WDR37: variants seen among roughly 807,000 people sequenced by gnomAD.
WDR37 encodes WD repeat-containing protein 37.
A neutral mutation model predicts 62.9 loss-of-function variants in WDR37; 19 were observed. That is an observed-to-expected ratio of 0.30 (90% CI 0.21 to 0.44). The LOEUF (loss-of-function observed/expected upper bound fraction) is 0.44. Ranked by LOEUF, WDR37 falls within the 20% of genes least tolerant of loss-of-function variation. The pLI is 1.00. For synonymous variants in WDR37, 250 were observed against 260.9 expected (o/e 0.96, Z 0.40); for missense variants, 474 against 657.6 (o/e 0.72, Z 3.05).
At chr10:1,100,913 G>A (rs1442346542) in intron 9 of WDR37, among the ~76,000 whole-genome samples, 2 of 152,160 alleles carry the variant, frequency 1.3e-5, no homozygotes, top group East Asian at 1.9e-4. Context: ...CGGGCCCCCC[G>A]TCCCGACTGA....
intron 10 of WDR37, among the ~76,000 whole-genome samples, chr10:1,104,749 C>T (rs1202406644): frequency 2.0e-5 from 3 of 152,140 alleles, no homozygotes; most frequent in Non-Finnish European, 4.4e-5. Flanking sequence ...AAGTGCATTT[C>T]CTGCATGAGC....
intron 1 of WDR37, among the ~76,000 whole-genome samples, chr10:1,071,577 A>C (rs1018020100): frequency 2.0e-5 from 3 of 152,234 alleles, no homozygotes; most frequent in African/African-American, 7.2e-5. Context: ...GTAAATATAC[A>C]CGCTGAATTT....
intron 3 of WDR37, among the ~76,000 whole-genome samples, chr10:1,079,364 C>T (rs938954656): frequency 6.6e-6 from 1 of 150,850 alleles, no homozygotes; most frequent in Admixed American, 6.6e-5. Flanking sequence ...GGATTACAGG[C>T]ATGAGATACT....
Position 1,131,365 on chromosome 10 carries a change from G to T in WDR37, c.*2021G>T, listed in dbSNP as rs1422006021. The stretch of plus-strand genomic sequence containing the variant: ...GAACATTGAAAAATGGCTGCAAATA[G>T]CCAAATCAAACTTAAGAACCAGATC... On this transcript the variant is annotated 3_prime_UTR_variant, in exon 14 of 14. Transcript: ENST00000263150. 1 of 152,256 alleles carries T rather than the reference G, an allele frequency of 6.6e-6. No homozygotes were observed. Among genetic ancestry groups the T allele is most frequent in the Non-Finnish European group, 1.5e-5 (1 of 68,050 alleles). The allele number at this position is 152,256 out of a possible 1,614,324, so 9.4% of individuals were successfully genotyped here. A position where few individuals can be genotyped will look rare whatever the true frequency, so the allele number is the denominator to read the frequency against.
At chr10:1,074,640 G>GCAGA in intron 2 of WDR37, 1 of 746,348 alleles carries the variant, frequency 1.3e-6, no homozygotes, top group Non-Finnish European at 2.0e-6. Flanking sequence ...CACGCGTTTG[G>GCAGA]CATGGTAGGT....
At chr10:1,085,780 G>A (rs1000346078) in intron 6 of WDR37, among the ~76,000 whole-genome samples, 2 of 152,132 alleles carry the variant, frequency 1.3e-5, no homozygotes, top group African/African-American at 2.4e-5. Context: ...TGATATTTCC[G>A]AAATTTCATT....
chr10:1,110,660 G>T (rs1433773012), intron 11 of WDR37, among the ~76,000 whole-genome samples: 1 of 152,224 alleles, frequency 6.6e-6, no homozygotes, highest in Admixed American at 6.5e-5. Context: ...GTTCCGTTTG[G>T]TCACTTGTCT....
At position 1,121,445 on chromosome 10, in the gene WDR37, C is replaced by T. The variant is rs1835575487; in HGVS notation, c.1104-2773C>T. Reference sequence around the variant, plus strand: ...AGCGTGGCAGCGTCTGATTTATAGTCAAGCTCTCATGTTGTTCTTTATTTT... The same window carrying T: ...AGCGTGGCAGCGTCTGATTTATAGTTAAGCTCTCATGTTGTTCTTTATTTT... On this transcript the variant is annotated intron_variant, in intron 11 of 13. Transcript: ENST00000263150. The surrounding 1 kb of genome is among the most constrained non-coding windows in gnomAD (Gnocchi z 4.5). Among the ~76,000 whole-genome samples the T allele has an allele frequency of 6.6e-6, 1 of 152,130 alleles. No individual in the cohort carries two copies. Among genetic ancestry groups the T allele is most frequent in the Admixed American group, 6.6e-5 (1 of 15,264 alleles).
intron 7 of WDR37, among the ~76,000 whole-genome samples, chr10:1,093,206 C>G (rs567268422): frequency 6.6e-6 from 1 of 152,240 alleles, no homozygotes; most frequent in African/African-American, 2.4e-5. Flanking sequence ...ATAAAAAGAA[C>G]TAGATGATGA....
Position 1,057,774 on chromosome 10 carries a change from T to C in WDR37, c.-41+806T>C, listed in dbSNP as rs577899441. ...TCATTTAACTTAAACGCTAAAACAT[T>C]CGTCCCTTGAAGCGGATACCATTAT... On this transcript the variant is annotated intron_variant, in intron 1 of 13. Coordinates refer to ENST00000263150, the MANE Select transcript of WDR37 (RefSeq NM_014023.4). Among the ~76,000 whole-genome samples, 79 of 152,302 alleles carry C rather than the reference T, an allele frequency of 5.2e-4. 3 individuals carry two copies. The South Asian group carries it at 0.015, about 30-fold the overall frequency.
At chr10:1,057,534 C>T (rs939446743) in intron 1 of WDR37, among the ~76,000 whole-genome samples, 1 of 152,124 alleles carries the variant, frequency 6.6e-6, no homozygotes, top group African/African-American at 2.4e-5. Context: ...AACACAGCGC[C>T]ATGATATTGT....
intron 9 of WDR37, among the ~76,000 whole-genome samples, chr10:1,100,981 G>T (rs187858314): frequency 6.6e-6 from 1 of 152,174 alleles, no homozygotes; most frequent in Non-Finnish European, 1.5e-5. Flanking sequence ...TGTGCCACCC[G>T]TCTCAGGAAA....
rs1173867223 is a variant in WDR37 at position 1,121,769 on chromosome 10, C to T, written c.1104-2449C>T. Among the ~76,000 whole-genome samples the T allele has an allele frequency of 3.9e-5, 6 of 152,122 alleles. No homozygotes were observed. The highest frequency in any genetic ancestry group is 2.1e-4 in the South Asian group (1 of 4,824). On this transcript the variant is annotated intron_variant, in intron 11 of 13. Transcript: ENST00000263150. This position sits in a 1 kb window ranked among gnomAD's most constrained non-coding sequence, Gnocchi z 4.5. ...GCCCCGACCAGACATCAGGTCCTAG[C>T]GGGGGAATAAGTGTCAGCAATCCAC...
At position 1,072,349 on chromosome 10, in the gene WDR37, C is replaced by T. The variant is rs150855148; in HGVS notation, c.138+56C>T. The T allele has an allele frequency of 4.1e-3, 6,577 of 1,596,828 alleles. 21 individuals carry two copies. Among genetic ancestry groups the T allele is most frequent in the Middle Eastern group, 5.1e-3 (30 of 5,908 alleles). The stretch of plus-strand genomic sequence containing the variant: ...TTGATTGATTTTTGAGACAGAGTTT[C>T]GCTCGTTTCCCCGGCTGGAGTGCGA... On this transcript the variant is annotated intron_variant, in intron 2 of 13. Transcript: ENST00000263150.
chr10:1,128,920 A>G (rs556791491), intron 13 of WDR37, among the ~76,000 whole-genome samples: 27 of 135,988 alleles, frequency 2.0e-4, no homozygotes, highest in African/African-American at 6.2e-4. Context: ...TCCATGCTCT[A>G]TGGTCCATGG....
intron 11 of WDR37, among the ~76,000 whole-genome samples, chr10:1,111,377 A>G (rs1202793912): frequency 6.6e-6 from 1 of 152,156 alleles, no homozygotes; most frequent in Non-Finnish European, 1.5e-5. Flanking sequence ...TTTCCAGGAG[A>G]GATTTTTCCC....
intron 7 of WDR37, among the ~76,000 whole-genome samples, chr10:1,087,386 T>C (rs1324281974): frequency 1.3e-5 from 2 of 152,182 alleles, no homozygotes; most frequent in Non-Finnish European, 2.9e-5. Context: ...CTGTATTCTG[T>C]TTCCTCCTTC....
intron 7 of WDR37, among the ~76,000 whole-genome samples, chr10:1,089,989 C>T (rs771077852): frequency 9.2e-5 from 14 of 152,178 alleles, no homozygotes; most frequent in Non-Finnish European, 1.5e-4. Context: ...TTTTTTGAGA[C>T]GGAGTCTCAC....
chr10:1,124,312 T>A lies in WDR37; in HGVS notation c.1198T>A (p.Ser400Thr). The change falls in exon 12 of 14, where the codon TCC (serine) becomes ACC (threonine). Residue 400 changes from serine (S) to threonine (T), a missense_variant. Transcript: ENST00000263150. ...VKVWDLKNMR[S>T]PIATIRTDSA... The stretch of plus-strand genomic sequence containing the variant: ...AGTCTGGGACTTGAAAAATATGAGA[T>A]CCCCCATTGCAACTATTCGCACGGA... 1.9e-6 allele frequency: 3 copies of A among 1,613,994 alleles called. No individual in the cohort carries two copies. Among genetic ancestry groups the A allele is most frequent in the Non-Finnish European group, 2.5e-6 (3 of 1,180,000 alleles).
Sources: gnomAD v4.1 joint callset for allele counts (sites outside exome capture counted in the v4.1 genomes callset) on GRCh38, gnomAD v4.1.1 for gene constraint, Gnocchi (gnomAD v3.1) non-coding constraint, MANE v1.5 for transcripts, NCBI Gene and HGNC (gene_info 2026-07-23, HGNC 2026-07-21) for gene names.